The following CNTNAP5 variants were observed in gnomAD, a reference collection of about 807,000 sequenced individuals.
The protein encoded by CNTNAP5 is contactin associated protein family member 5.
A neutral mutation model predicts 150.2 loss-of-function variants in CNTNAP5; 72 were observed. The observed-to-expected ratio is 0.48, with a 90% confidence interval of 0.40 to 0.58. The LOEUF (loss-of-function observed/expected upper bound fraction) is 0.58, where lower values mean the gene tolerates loss of function less well. Among genes scored for constraint, CNTNAP5 ranks in the 20% least tolerant of loss-of-function variants. The pLI, the probability that CNTNAP5 is intolerant of heterozygous loss-of-function variation, is 0.00. For synonymous variants in CNTNAP5, 672 were observed against 619.8 expected (o/e 1.08, Z -1.25); for missense variants, 1,636 against 1,626.2 (o/e 1.01, Z -0.10).
intron 1 of CNTNAP5, among the ~76,000 whole-genome samples, chr2:124,196,176 C>T (rs947956571): frequency 6.6e-6 from 1 of 152,018 alleles, no homozygotes; most frequent in African/African-American, 2.4e-5. Context: ...GATATTACCT[C>T]TGATGAAGAA....
At chr2:124,600,765 GAGAA>G (rs781039562) in intron 11 of CNTNAP5, among the ~76,000 whole-genome samples, 4,845 of 112,480 alleles carry the variant, frequency 0.043, 93 homozygotes, top group African/African-American at 0.074. Context: ...GAGAGAGAGA[GAGAA>G]AGAGAGAGAA....
chr2:124,786,548 GGAAAGAAAGAAAGAAGACA>G (rs1681601760), intron 17 of CNTNAP5, among the ~76,000 whole-genome samples: 2 of 143,626 alleles, frequency 1.4e-5, no homozygotes, highest in Admixed American at 1.4e-4. Context: ...GAAAGAGAAA[GGAAAGAAAGAAAGAAGACA>G]GAGAGAAAGA....
At chr2:124,827,985 G>C (rs1402453836) in intron 19 of CNTNAP5, among the ~76,000 whole-genome samples, 1 of 152,100 alleles carries the variant, frequency 6.6e-6, no homozygotes, top group African/African-American at 2.4e-5. Context: ...TTCCAATTCA[G>C]CTCCAAGCTG....
chr2:124,640,291 A>G (rs1034340793), intron 12 of CNTNAP5, among the ~76,000 whole-genome samples: 1 of 152,176 alleles, frequency 6.6e-6, no homozygotes, highest in African/African-American at 2.4e-5. Flanking sequence ...AAAGATACAT[A>G]AAAAGTAAAG....
chr2:124,675,201 T>G (rs1339471613), intron 13 of CNTNAP5, among the ~76,000 whole-genome samples: 3 of 151,874 alleles, frequency 2.0e-5, no homozygotes, highest in Non-Finnish European at 4.4e-5. Flanking sequence ...AAAATGTCCT[T>G]CTTTGTCATT....
chr2:124,559,771 A>C lies in CNTNAP5; in HGVS notation c.1650-3446A>C, dbSNP rs1695844254. Among the ~76,000 whole-genome samples the C allele has an allele frequency of 2.0e-5, 3 of 152,214 alleles. 1 individual carries two copies. The South Asian group carries it at 6.2e-4, about 32-fold the overall frequency. ...AAAGAATGTGGAAATTATACTCATGAAACTGCCCCTTTTAAATAAGAAAAT... is the reference window on the plus strand; with the variant it reads ...AAAGAATGTGGAAATTATACTCATGCAACTGCCCCTTTTAAATAAGAAAAT... On this transcript the variant is annotated intron_variant, in intron 10 of 23. Coordinates refer to ENST00000682447, the MANE Select transcript of CNTNAP5 (RefSeq NM_001367498.1).
intron 6 of CNTNAP5, among the ~76,000 whole-genome samples, chr2:124,453,548 T>A (rs1418162799): frequency 6.6e-6 from 1 of 152,156 alleles, no homozygotes; most frequent in Non-Finnish European, 1.5e-5. Flanking sequence ...GGGAAATTCA[T>A]CACCAAAAGA....
intron 1 of CNTNAP5, among the ~76,000 whole-genome samples, chr2:124,045,951 G>T (rs566582740): frequency 2.0e-5 from 3 of 152,248 alleles, no homozygotes; most frequent in African/African-American, 7.2e-5. Flanking sequence ...GTGTATATCT[G>T]CATATTTGCA....
chr2:124,236,565 G>T (rs961652301), intron 2 of CNTNAP5, among the ~76,000 whole-genome samples: 1 of 152,172 alleles, frequency 6.6e-6, no homozygotes, highest in Non-Finnish European at 1.5e-5. Flanking sequence ...CGATATTTAT[G>T]GGAGAGCCTC....
rs188448081 is a variant in CNTNAP5 at position 124,028,258 on chromosome 2, T to C, written c.82+2526T>C. On this transcript the variant is annotated intron_variant, in intron 1 of 23. Coordinates refer to ENST00000682447, the MANE Select transcript of CNTNAP5 (RefSeq NM_001367498.1). ...TAACTTCTAATTGTTTTTATTATTC[T>C]TATAATAATATGTTGTTGGTGGTTG... 2.9e-4 allele frequency among the ~76,000 whole-genome samples: 44 copies of C among 152,034 alleles called. 1 individual carries two copies. The East Asian group carries it at 8.3e-3, about 29-fold the overall frequency.
chr2:124,678,545 G>A (rs184897381), intron 13 of CNTNAP5, among the ~76,000 whole-genome samples: 4 of 151,764 alleles, frequency 2.6e-5, no homozygotes, highest in African/African-American at 9.6e-5. Context: ...TTTGGACCTA[G>A]TGTAGGACTT....
In CNTNAP5 at chr2:124,446,891, A is replaced by G. The variant is rs755973563; in HGVS notation, c.872A>G (p.His291Arg). The change falls in exon 6 of 24, where the codon CAC (histidine) becomes CGC (arginine). Residue 291 changes from histidine (H) to arginine (R), a missense_variant. Physicochemically the swap from His to Arg is conservative, Grantham distance 29. Transcript: ENST00000682447. ...VNFTVDKHTQ[H>R]FRTKGETDAL... ...TTCACGGTGGACAAGCACACACAGC[A>G]CTTCCGCACCAAGGGCGAGACGGAT... is the stretch of plus-strand genomic sequence containing the variant. 1.2e-6 allele frequency: 2 copies of G among 1,613,760 alleles called. No individual in the cohort carries two copies. The highest frequency in any genetic ancestry group is 1.7e-5 in the Admixed American group (1 of 59,998).
At chr2:124,302,774 C>T (rs934420439) in intron 3 of CNTNAP5, among the ~76,000 whole-genome samples, 3 of 152,150 alleles carry the variant, frequency 2.0e-5, no homozygotes, top group African/African-American at 4.8e-5. Context: ...GGCTCTTTAC[C>T]CTGACCAAAG....
chr2:124,506,416 AC>A (rs1316975068), intron 8 of CNTNAP5, among the ~76,000 whole-genome samples: 1 of 152,038 alleles, frequency 6.6e-6, no homozygotes, highest in African/African-American at 2.4e-5. Flanking sequence ...GAAGTTTCAT[AC>A]TCATGCCTCT....
At position 124,064,504 on chromosome 2, in the gene CNTNAP5, C is replaced by A. The variant is rs1682103324; in HGVS notation, c.82+38772C>A. 2.0e-5 allele frequency among the ~76,000 whole-genome samples: 3 copies of A among 152,096 alleles called. 1 individual carries two copies. The highest frequency in any genetic ancestry group is 2.0e-4 in the Admixed American group (3 of 15,268). ...AGTCCAAACCAGGGTCTTTGCATACCTGGATCACTATTGTGGATTTCTAAC... is the reference window on the plus strand; with the variant it reads ...AGTCCAAACCAGGGTCTTTGCATACATGGATCACTATTGTGGATTTCTAAC... On this transcript the variant is annotated intron_variant, in intron 1 of 23. Transcript: ENST00000682447.
At chr2:124,196,374 A>T (rs1204762510) in intron 1 of CNTNAP5, among the ~76,000 whole-genome samples, 1 of 152,162 alleles carries the variant, frequency 6.6e-6, no homozygotes, top group Admixed American at 6.5e-5. Flanking sequence ...CATGATATTT[A>T]CCTGGAAGAA....
chr2:124,405,686 C>T (rs1691551826), intron 3 of CNTNAP5, among the ~76,000 whole-genome samples: 1 of 152,156 alleles, frequency 6.6e-6, no homozygotes, highest in Admixed American at 6.5e-5. Context: ...TATTCGTGGC[C>T]TCACACTGTC....
At chr2:124,716,739 G>C (rs915998073) in intron 13 of CNTNAP5, among the ~76,000 whole-genome samples, 2 of 152,114 alleles carry the variant, frequency 1.3e-5, no homozygotes, top group African/African-American at 4.8e-5. Context: ...GCAACTGCTA[G>C]ATGAAGAGTA....
intron 13 of CNTNAP5, among the ~76,000 whole-genome samples, chr2:124,652,076 A>T (rs750930169): frequency 1.3e-5 from 2 of 152,154 alleles, no homozygotes; most frequent in African/African-American, 4.8e-5. Context: ...CTGTCATTTT[A>T]TGACAGTCTC....
Sources: allele counts gnomAD v4.1 joint callset (sites outside exome capture counted in the v4.1 genomes callset), GRCh38; gene constraint gnomAD v4.1.1; transcripts MANE v1.5; gene names NCBI Gene and HGNC (gene_info 2026-07-23, HGNC 2026-07-21).